The following IMMP2L variants were observed in gnomAD, a reference collection of about 807,000 sequenced individuals.
IMMP2L encodes the protein mitochondrial inner membrane protease subunit 2.
Under a neutral mutation model 19.3 loss-of-function variants are expected in IMMP2L, and 18 were observed. The observed-to-expected ratio is 0.93, with a 90% CI of 0.64 to 1.38. IMMP2L has a LOEUF of 1.38. Among genes scored for constraint, IMMP2L ranks in the 40% most tolerant of loss-of-function variants. The pLI is 0.00. For missense variants in IMMP2L, 233 were observed against 218.2 expected (o/e 1.07, Z -0.43); for synonymous variants, 76 against 73.0 (o/e 1.04, Z -0.21).
chr7:111,240,448 A>C (rs1814872040), intron 3 of IMMP2L, among the ~76,000 whole-genome samples: 1 of 151,958 alleles, frequency 6.6e-6, no homozygotes, highest in Non-Finnish European at 1.5e-5. Flanking sequence ...AAGAACAGAA[A>C]CTGCAGTCAA....
At chr7:111,493,683 C>T (rs897856251) in intron 2 of IMMP2L, among the ~76,000 whole-genome samples, 3 of 136,258 alleles carry the variant, frequency 2.2e-5, no homozygotes, top group African/African-American at 5.6e-5. Flanking sequence ...CCAGCCTGGG[C>T]GACAGAGCAA....
chr7:110,693,188 C>G (rs1336163137), intron 5 of IMMP2L, among the ~76,000 whole-genome samples: 1 of 152,206 alleles, frequency 6.6e-6, no homozygotes, highest in Non-Finnish European at 1.5e-5. Context: ...ATGATATATA[C>G]TAAATTGTCT....
chr7:111,359,505 T>C (rs1584789505), intron 3 of IMMP2L, among the ~76,000 whole-genome samples: 1 of 151,954 alleles, frequency 6.6e-6, no homozygotes, highest in Non-Finnish European at 1.5e-5. Flanking sequence ...TTTCACCATA[T>C]TGGCCCATCT....
At chr7:111,205,777 T>C (rs1053271568) in intron 3 of IMMP2L, among the ~76,000 whole-genome samples, 2 of 152,146 alleles carry the variant, frequency 1.3e-5, no homozygotes, top group African/African-American at 4.8e-5. Context: ...TCTAATCCTA[T>C]ACTGAGTTCC....
rs183834862 is a variant in IMMP2L, at chr7:111,035,310, A to T, written c.240-71745T>A. ...ACCCTGTTTACACCTTTCCACAAAA[A>T]CTGATGTTTGGGTAACTGAAGTAGA... On this transcript the variant is annotated intron_variant, in intron 3 of 5. Transcript: ENST00000405709. 3.5e-3 allele frequency among the ~76,000 whole-genome samples: 532 copies of T among 152,256 alleles called. 5 individuals are homozygous for T. The highest frequency in any genetic ancestry group is 0.012 in the African/African-American group (516 of 41,570).
At chr7:111,327,010 A>T (rs1825387753) in intron 3 of IMMP2L, among the ~76,000 whole-genome samples, 1 of 151,766 alleles carries the variant, frequency 6.6e-6, no homozygotes, top group Admixed American at 6.6e-5. Flanking sequence ...GTACATTTAC[A>T]TACTCTAGAA....
intron 5 of IMMP2L, among the ~76,000 whole-genome samples, chr7:110,793,244 A>G (rs1800597999): frequency 6.6e-6 from 1 of 151,758 alleles, no homozygotes; most frequent in Admixed American, 6.6e-5. Flanking sequence ...ACATGGTGAA[A>G]CTCCGTCTCT....
intron 5 of IMMP2L, among the ~76,000 whole-genome samples, chr7:110,742,200 T>C (rs1050148243): frequency 2.0e-5 from 3 of 152,208 alleles, no homozygotes; most frequent in Non-Finnish European, 4.4e-5. Flanking sequence ...TATTTTTGTA[T>C]ATTTGCTTCA....
chr7:111,145,021 A>G (rs527697786), intron 3 of IMMP2L, among the ~76,000 whole-genome samples: 1 of 152,218 alleles, frequency 6.6e-6, no homozygotes, highest in South Asian at 2.1e-4. Flanking sequence ...AGGTGCAAAG[A>G]AGGAGGAAGA....
chr7:111,192,809 G>A (rs1283965319), intron 3 of IMMP2L, among the ~76,000 whole-genome samples: 1 of 152,098 alleles, frequency 6.6e-6, no homozygotes, highest in Non-Finnish European at 1.5e-5. Context: ...ACAATTTTAA[G>A]CAGGATAAAG....
intron 3 of IMMP2L, among the ~76,000 whole-genome samples, chr7:111,039,076 G>A (rs1791628469): frequency 6.6e-6 from 1 of 152,088 alleles, no homozygotes; most frequent in Admixed American, 6.6e-5. Context: ...ACTTTGATAA[G>A]CACAATGTAT....
At chr7:111,243,650 A>G (rs1486354754) in intron 3 of IMMP2L, among the ~76,000 whole-genome samples, 3 of 106,900 alleles carry the variant, frequency 2.8e-5, no homozygotes, top group Non-Finnish European at 3.7e-5. Context: ...ATATCTCCCA[A>G]TGCTATCCCT....
At chr7:111,087,245 C>T (rs1796422262) in intron 3 of IMMP2L, among the ~76,000 whole-genome samples, 1 of 151,954 alleles carries the variant, frequency 6.6e-6, no homozygotes, top group Non-Finnish European at 1.5e-5. Context: ...GTCAGGAGAT[C>T]GAGACCATCA....
chr7:111,177,863 G>A (rs1161245481), intron 3 of IMMP2L, among the ~76,000 whole-genome samples: 1 of 152,078 alleles, frequency 6.6e-6, no homozygotes, highest in African/African-American at 2.4e-5. Context: ...CAAGGTACTT[G>A]TTGTCAGAGG....
chr7:111,500,090 CG>C (rs1294499497), intron 2 of IMMP2L, among the ~76,000 whole-genome samples: 4 of 151,942 alleles, frequency 2.6e-5, no homozygotes, highest in African/African-American at 9.7e-5. Context: ...CCTGGAAAAT[CG>C]GGTCACTCCC....
intron 3 of IMMP2L, among the ~76,000 whole-genome samples, chr7:111,031,934 A>ATTTCTTTTTTT (rs770268016): frequency 9.3e-4 from 100 of 108,054 alleles, no homozygotes; most frequent in South Asian, 4.8e-3. Flanking sequence ...AACACCAGAG[A>ATTTCTTTTTTT]TTTTTTTTTT....
In IMMP2L at chr7:111,123,817, C is replaced by T; in HGVS notation, c.240-160252G>A. On this transcript the variant is annotated intron_variant, in intron 3 of 5. Transcript: ENST00000405709. The surrounding 1 kb of genome is among the most constrained non-coding windows in gnomAD (Gnocchi z 6.4). ...GCTGAACAGCAATGCTCTCAGTGCC[C>T]TGTACCATGGTACCATTGAGTCTCT... 6.2e-7 allele frequency: 1 copy of T among 1,614,024 alleles called. No homozygotes were observed. Among genetic ancestry groups the T allele is most frequent in the African/African-American group, 1.3e-5 (1 of 75,028 alleles).
In IMMP2L at chr7:111,155,108, G is replaced by A. The variant is rs528604340; in HGVS notation, c.240-191543C>T. On this transcript the variant is annotated intron_variant, in intron 3 of 5. Coordinates refer to ENST00000405709, the MANE Select transcript of IMMP2L (RefSeq NM_032549.4). ...GGGGAGGAGAGATATATTCAAAGAC[G>A]TATGGGTAATAATTTTGCCTTCTTC... Among the ~76,000 whole-genome samples, 36 of 152,150 alleles carry A rather than the reference G, an allele frequency of 2.4e-4. No individual in the cohort carries two copies. In the South Asian group the frequency reaches 3.9e-3, roughly 17 times the overall value.
At position 111,381,934 on chromosome 7, in the gene IMMP2L, G is replaced by T. The variant is rs116839569; in HGVS notation, c.239+105304C>A. 1.2e-4 allele frequency among the ~76,000 whole-genome samples: 18 copies of T among 152,036 alleles called. 1 individual carries two copies. The highest frequency in any genetic ancestry group is 4.1e-4 in the African/African-American group (17 of 41,430). On this transcript the variant is annotated intron_variant, in intron 3 of 5. Transcript: ENST00000405709. ...CCATTGAAATAGCAAACAGGAAAGAGGAACACTTTTATTATCATCAAATGT... is the reference window on the plus strand; with the variant it reads ...CCATTGAAATAGCAAACAGGAAAGATGAACACTTTTATTATCATCAAATGT...
Sources: gnomAD v4.1 joint callset for allele counts (sites outside exome capture counted in the v4.1 genomes callset) on GRCh38, gnomAD v4.1.1 for gene constraint, Gnocchi (gnomAD v3.1) non-coding constraint, MANE v1.5 for transcripts, NCBI Gene and HGNC (gene_info 2026-07-23, HGNC 2026-07-21) for gene names.